The following DISC1 variants were observed in gnomAD, a reference collection of about 807,000 sequenced individuals.
DISC1 encodes disrupted in schizophrenia 1 protein.
DISC1 carries 57 observed loss-of-function variants against 84.5 expected under a neutral mutation model. The ratio of observed to expected loss-of-function variants is 0.67; its 90% CI spans 0.55 to 0.84. The LOEUF (loss-of-function observed/expected upper bound fraction) is 0.84, where lower values mean the gene tolerates loss of function less well. Ranked by LOEUF, DISC1 falls within the 40% of genes least tolerant of loss-of-function variation. The pLI, the probability that DISC1 is intolerant of heterozygous loss-of-function variation, is 0.00. For synonymous variants in DISC1, 411 were observed against 415.2 expected, an observed-to-expected ratio of 0.99 and a Z score of 0.12; for missense variants, 1,000 against 1,057.8, an observed-to-expected ratio of 0.95 and a Z score of 0.76.
chr1:232,008,490 C>G (rs1379628597), intron 10 of DISC1, among the ~76,000 whole-genome samples: 1 of 150,950 alleles, frequency 6.6e-6, no homozygotes, highest in African/African-American at 2.5e-5. Context: ...GCTGGTAACA[C>G]ATATATGAGC....
intron 9 of DISC1, among the ~76,000 whole-genome samples, chr1:231,924,390 A>T (rs1057107596): frequency 1.3e-5 from 2 of 152,232 alleles, no homozygotes; most frequent in Non-Finnish European, 2.9e-5. Flanking sequence ...GAAGGCACAT[A>T]TGAGTGCCAT....
At chr1:232,030,374 A>G (rs1669885948) in intron 12 of DISC1, among the ~76,000 whole-genome samples, 1 of 152,146 alleles carries the variant, frequency 6.6e-6, no homozygotes, top group Non-Finnish European at 1.5e-5. Flanking sequence ...TCTACAACAC[A>G]CTTTCAAAGG....
chr1:231,836,818 C>G (rs1441363742), intron 9 of DISC1, among the ~76,000 whole-genome samples: 2 of 152,162 alleles, frequency 1.3e-5, no homozygotes, highest in East Asian at 3.9e-4. Flanking sequence ...TAAGCCCCGC[C>G]CCGCCCCTCC....
intron 3 of DISC1, among the ~76,000 whole-genome samples, chr1:231,746,307 T>C (rs553713428): frequency 1.4e-4 from 22 of 152,362 alleles, no homozygotes; most frequent in Admixed American, 1.3e-3. Flanking sequence ...CTGAATAGTA[T>C]TTCATTGTGG....
At chr1:231,705,321 T>TAAA (rs5781665) in intron 3 of DISC1, among the ~76,000 whole-genome samples, 5 of 104,054 alleles carry the variant, frequency 4.8e-5, no homozygotes, top group Non-Finnish European at 7.0e-5. Context: ...AAAAAATCAT[T>TAAA]AAAAAAAAAA....
intron 3 of DISC1, among the ~76,000 whole-genome samples, chr1:231,722,191 A>G (rs887857915): frequency 2.0e-5 from 3 of 151,734 alleles, no homozygotes; most frequent in African/African-American, 7.3e-5. Context: ...AAGGACTTTC[A>G]AAAATGGTAT....
intron 3 of DISC1, among the ~76,000 whole-genome samples, chr1:231,709,122 G>A (rs948195724): frequency 6.6e-6 from 1 of 152,162 alleles, no homozygotes; most frequent in Non-Finnish European, 1.5e-5. Context: ...TTCTCTTCCT[G>A]TTTACAGGAG....
intron 9 of DISC1, among the ~76,000 whole-genome samples, chr1:231,916,369 A>G (rs1257769027): frequency 2.0e-5 from 3 of 152,110 alleles, no homozygotes; most frequent in Admixed American, 1.3e-4. Flanking sequence ...CCACAATCTA[A>G]ATTGTGTTCA....
At chr1:231,720,875 A>T in intron 3 of DISC1, 1 of 1,290,988 alleles carries the variant, frequency 7.7e-7, no homozygotes, top group Non-Finnish European at 1.0e-6. Flanking sequence ...GCTACCAGTC[A>T]TCTCACTTTG....
chr1:231,810,093 G>T (rs2080148837), intron 8 of DISC1, among the ~76,000 whole-genome samples: 1 of 152,076 alleles, frequency 6.6e-6, no homozygotes, highest in Non-Finnish European at 1.5e-5. Context: ...ACATTCTTAA[G>T]TGGGTTCTTA....
At position 231,868,907 on chromosome 1, in the gene DISC1, A is replaced by G. The variant is rs1479576768; in HGVS notation, c.1981+50390A>G. 1.2e-4 allele frequency among the ~76,000 whole-genome samples: 15 copies of G among 126,418 alleles called. No individual in the cohort carries two copies. In the South Asian group the frequency reaches 3.1e-3, roughly 26 times the overall value. 82.9% of individuals were successfully genotyped at this position (126,418 alleles called of 152,430 possible). The stretch of plus-strand genomic sequence containing the variant: ...CTCTAAAAAGGAAAAAAAAAAAAAA[A>G]GAGTTACCGGTTATACATTTTTGAG... On this transcript the variant is annotated intron_variant, in intron 9 of 12. Coordinates refer to ENST00000439617, the MANE Select transcript of DISC1 (RefSeq NM_018662.3).
Position 231,834,046 on chromosome 1 carries a change from G to T in DISC1, c.1981+15529G>T, listed in dbSNP as rs577927258. Among the ~76,000 whole-genome samples the T allele has an allele frequency of 2.6e-3, 390 of 152,246 alleles. 2 individuals carry two copies. Among genetic ancestry groups the T allele is most frequent in the African/African-American group, 9.0e-3 (374 of 41,528 alleles). The stretch of plus-strand genomic sequence containing the variant: ...CCATGAACTGGGCTGGGTTTTTATA[G>T]TTGCTGAAAAAGAGCCTAAACACTA... On this transcript the variant is annotated intron_variant, in intron 9 of 12. Coordinates refer to ENST00000439617, the MANE Select transcript of DISC1 (RefSeq NM_018662.3).
At chr1:231,767,663 A>G (rs775236432) in intron 5 of DISC1, among the ~76,000 whole-genome samples, 3 of 152,228 alleles carry the variant, frequency 2.0e-5, no homozygotes, top group Non-Finnish European at 4.4e-5. Context: ...GAGTGTAGCA[A>G]TTAGAGCCTT....
chr1:231,651,117 G>T (rs2060586237), intron 1 of DISC1, among the ~76,000 whole-genome samples: 1 of 152,178 alleles, frequency 6.6e-6, no homozygotes, highest in Non-Finnish European at 1.5e-5. Flanking sequence ...CTGGCGAGGA[G>T]CTGTGATCCT....
intron 9 of DISC1, among the ~76,000 whole-genome samples, chr1:231,903,761 G>GA (rs1413343929): frequency 2.0e-5 from 3 of 152,232 alleles, no homozygotes; most frequent in Non-Finnish European, 1.5e-5. Context: ...GGAGGGCTGG[G>GA]AAAGTGAGAA....
At chr1:231,678,077 C>T (rs1249660857) in intron 1 of DISC1, among the ~76,000 whole-genome samples, 3 of 152,168 alleles carry the variant, frequency 2.0e-5, no homozygotes, top group African/African-American at 7.2e-5. Context: ...GATTAGTCAT[C>T]TACAGAAGTA....
At chr1:231,874,056 C>G (rs2125963292) in intron 9 of DISC1, among the ~76,000 whole-genome samples, 1 of 151,388 alleles carries the variant, frequency 6.6e-6, no homozygotes, top group African/African-American at 2.4e-5. Flanking sequence ...CTATGTTGGC[C>G]AGGCTTGTCT....
rs1177210573 is a variant in DISC1, at chr1:232,031,370, G to A, written c.2425+4818G>A. On this transcript the variant is annotated intron_variant, in intron 12 of 12. Transcript: ENST00000439617. This position sits in a 1 kb window ranked among gnomAD's most constrained non-coding sequence, Gnocchi z 4.6. ...GAAAGAAAAGGAAAGGGAAGGGAGA[G>A]GGAAAGGAGAAGGGAAAGGAAGAGA... Among the ~76,000 whole-genome samples, 1 of 149,266 alleles carries A rather than the reference G, an allele frequency of 6.7e-6. No homozygotes were observed. Among genetic ancestry groups the A allele is most frequent in the Admixed American group, 6.8e-5 (1 of 14,810 alleles).
At chr1:231,970,546 TCC>T (rs1371272440) in intron 10 of DISC1, among the ~76,000 whole-genome samples, 1 of 152,202 alleles carries the variant, frequency 6.6e-6, no homozygotes, top group East Asian at 1.9e-4. Flanking sequence ...AAGGATGGAA[TCC>T]ATGGGGTCTT....
Sources: allele counts gnomAD v4.1 joint callset (sites outside exome capture counted in the v4.1 genomes callset), GRCh38; gene constraint gnomAD v4.1.1; non-coding constraint Gnocchi (gnomAD v3.1); transcripts MANE v1.5; gene names NCBI Gene and HGNC (gene_info 2026-07-23, HGNC 2026-07-21).